The following RSRC1 variants were observed in gnomAD, a reference collection of about 807,000 sequenced individuals.
RSRC1 encodes the protein arginine and serine rich coiled-coil 1, also known as serine/Arginine-related protein 53.
RSRC1 carries 39 observed loss-of-function variants against 49.1 expected under a neutral mutation model. That is an observed-to-expected ratio of 0.79 (90% confidence interval 0.61 to 1.04). The LOEUF (loss-of-function observed/expected upper bound fraction) is 1.04, where lower values mean the gene tolerates loss of function less well. Among genes scored for constraint, RSRC1 ranks in the 50% least tolerant of loss-of-function variants. The probability of loss-of-function intolerance (pLI) is 0.00; values close to 1 mark genes in which losing one functional copy is unlikely to be tolerated. For missense variants in RSRC1, 388 were observed against 402.4 expected, an observed-to-expected ratio of 0.96 and a Z score of 0.31; for synonymous variants, 143 against 130.8, an observed-to-expected ratio of 1.09 and a Z score of -0.63.
intron 5 of RSRC1, among the ~76,000 whole-genome samples, chr3:158,311,422 G>A (rs964379818): frequency 1.3e-5 from 2 of 151,470 alleles, no homozygotes; most frequent in Non-Finnish European, 3.0e-5. Flanking sequence ...TTTAAATCCA[G>A]CCTTTAATAT....
chr3:158,544,500 C>A lies in RSRC1; in HGVS notation c.*225C>A. 3.0e-6 allele frequency: 1 copy of A among 332,408 alleles called. No individual in the cohort carries two copies. Among genetic ancestry groups the A allele is most frequent in the Admixed American group, 4.6e-5 (1 of 21,832 alleles). The allele number at this position is 332,408 out of a possible 1,614,324, so 20.6% of individuals were successfully genotyped here. A position where few individuals can be genotyped will look rare whatever the true frequency, so the allele number is the denominator to read the frequency against. On this transcript the variant is annotated 3_prime_UTR_variant, in exon 10 of 10. Coordinates refer to ENST00000611884, the MANE Select transcript of RSRC1 (RefSeq NM_001271838.2). ...TTTAAGATTGCATGAAAATGTTATA[C>A]TGTTAATAAAGCTAAACATAAATAA...
At chr3:158,410,320 C>T (rs1215970027) in intron 6 of RSRC1, among the ~76,000 whole-genome samples, 1 of 152,072 alleles carries the variant, frequency 6.6e-6, no homozygotes, top group Non-Finnish European at 1.5e-5. Context: ...GAAATACTTA[C>T]CTCTTCCCTC....
chr3:158,366,840 T>C (rs1279456697), intron 6 of RSRC1, among the ~76,000 whole-genome samples: 1 of 152,206 alleles, frequency 6.6e-6, no homozygotes, highest in Non-Finnish European at 1.5e-5. Flanking sequence ...CAGTGGTTTG[T>C]AGTTCTTGAA....
intron 3 of RSRC1, among the ~76,000 whole-genome samples, chr3:158,164,613 A>G (rs2108229525): frequency 6.6e-6 from 1 of 152,196 alleles, no homozygotes; most frequent in South Asian, 2.1e-4. Flanking sequence ...GCATGTAGGT[A>G]GCTATGCTTA....
chr3:158,463,225 A>G (rs1325417224), intron 7 of RSRC1, among the ~76,000 whole-genome samples: 1 of 152,116 alleles, frequency 6.6e-6, no homozygotes, highest in African/African-American at 2.4e-5. Flanking sequence ...ATTAAACCAA[A>G]GAATGTCAAA....
intron 4 of RSRC1, among the ~76,000 whole-genome samples, chr3:158,294,498 A>G (rs1318067749): frequency 6.6e-6 from 1 of 151,994 alleles, no homozygotes; most frequent in Non-Finnish European, 1.5e-5. Context: ...TCTGGTTTAT[A>G]CATCTTACAG....
chr3:158,535,198 A>G (rs1240050781), intron 7 of RSRC1, among the ~76,000 whole-genome samples: 1 of 151,406 alleles, frequency 6.6e-6, no homozygotes, highest in Non-Finnish European at 1.5e-5. Flanking sequence ...GCAGTAGAAT[A>G]AATCTTAAGG....
intron 5 of RSRC1, among the ~76,000 whole-genome samples, chr3:158,305,545 C>G (rs1727791832): frequency 1.3e-5 from 2 of 151,912 alleles, no homozygotes; most frequent in South Asian, 4.2e-4. Flanking sequence ...CAGGGCATCC[C>G]ATGTGGTACC....
At chr3:158,502,157 T>C (rs1324689638) in intron 7 of RSRC1, among the ~76,000 whole-genome samples, 3 of 152,200 alleles carry the variant, frequency 2.0e-5, no homozygotes, top group Non-Finnish European at 4.4e-5. Flanking sequence ...TCTTGGCTAA[T>C]AATTGTTTTG....
chr3:158,441,202 A>G (rs1736362489), intron 6 of RSRC1, among the ~76,000 whole-genome samples: 1 of 152,070 alleles, frequency 6.6e-6, no homozygotes, highest in African/African-American at 2.4e-5. Context: ...TGGGTTATGA[A>G]GTGTATCTTT....
intron 5 of RSRC1, among the ~76,000 whole-genome samples, chr3:158,348,575 A>C (rs2108227734): frequency 7.7e-6 from 1 of 130,448 alleles, no homozygotes; most frequent in Admixed American, 7.9e-5. Flanking sequence ...TGTTTTTTTA[A>C]ATTATTTTAT....
intron 3 of RSRC1, among the ~76,000 whole-genome samples, chr3:158,124,864 G>T (rs1715517084): frequency 6.8e-6 from 1 of 147,704 alleles, no homozygotes; most frequent in East Asian, 2.0e-4. Context: ...TGTCACCTAG[G>T]CTTGGGTGTA....
At chr3:158,298,643 A>T (rs1727368448) in intron 5 of RSRC1, among the ~76,000 whole-genome samples, 1 of 152,134 alleles carries the variant, frequency 6.6e-6, no homozygotes, top group Non-Finnish European at 1.5e-5. Flanking sequence ...AAAATCTGTT[A>T]TTGATCAAAA....
At chr3:158,145,891 G>A (rs1413305957) in intron 3 of RSRC1, among the ~76,000 whole-genome samples, 3 of 152,124 alleles carry the variant, frequency 2.0e-5, no homozygotes, top group Non-Finnish European at 2.9e-5. Flanking sequence ...TCTCTTTGAA[G>A]CAATTGTGAA....
chr3:158,347,991 G>T (rs1182727014), intron 5 of RSRC1, among the ~76,000 whole-genome samples: 1 of 151,934 alleles, frequency 6.6e-6, no homozygotes, highest in Non-Finnish European at 1.5e-5. Context: ...GAGTAAATGG[G>T]GTATCCATCC....
chr3:158,439,139 G>A (rs1486918356), intron 6 of RSRC1, among the ~76,000 whole-genome samples: 1 of 152,104 alleles, frequency 6.6e-6, no homozygotes, highest in Non-Finnish European at 1.5e-5. Context: ...AGTTAGAATG[G>A]CGATCATTAA....
chr3:158,238,817 C>T (rs1043751312), intron 4 of RSRC1, among the ~76,000 whole-genome samples: 2 of 152,148 alleles, frequency 1.3e-5, no homozygotes, highest in African/African-American at 4.8e-5. Context: ...GCAAGGACTT[C>T]ATGACTAAAA....
intron 4 of RSRC1, among the ~76,000 whole-genome samples, chr3:158,216,677 T>C (rs1721963636): frequency 1.3e-5 from 2 of 151,746 alleles, no homozygotes; most frequent in South Asian, 4.1e-4. Context: ...AGAAAAAGGG[T>C]TGATTCAAAT....
intron 7 of RSRC1, among the ~76,000 whole-genome samples, chr3:158,504,831 T>G (rs1739780270): frequency 6.6e-6 from 1 of 152,198 alleles, no homozygotes; most frequent in Non-Finnish European, 1.5e-5. Context: ...AAGGAAACCT[T>G]TTAAAGTCTA....
Sources: gnomAD v4.1 joint callset for allele counts (sites outside exome capture counted in the v4.1 genomes callset) on GRCh38, gnomAD v4.1.1 for gene constraint, MANE v1.5 for transcripts, NCBI Gene and HGNC (gene_info 2026-07-23, HGNC 2026-07-21) for gene names.